The following IRF2BP2 variants were observed in gnomAD, a reference collection of about 807,000 sequenced individuals.
The protein encoded by IRF2BP2 is interferon regulatory factor 2-binding protein 2.
Under a neutral mutation model 32.7 loss-of-function variants are expected in IRF2BP2, and 13 were observed. That is an observed-to-expected ratio of 0.40 (90% confidence interval 0.26 to 0.63). The LOEUF is 0.63. Among genes scored for constraint, IRF2BP2 ranks in the 30% least tolerant of loss-of-function variants. The pLI, the probability that IRF2BP2 is intolerant of heterozygous loss-of-function variation, is 0.42. For missense variants in IRF2BP2, 980 were observed against 830.6 expected (o/e 1.18, Z -2.21); for synonymous variants, 555 against 384.6 (o/e 1.44, Z -5.18).
rs1672253184 is a variant in IRF2BP2 at position 234,608,839 on chromosome 1, G to T, written c.656C>A (p.Thr219Asn). ...CGCGGAGCCCAGGCTGGCGGCCGCG[G>T]TTCCGGACACCGCGGCTAAGGAGGC... The part of the protein sequence containing the change: ...AAASLAAVSG[T>N]AAASLGSAQP... The change falls in exon 1 of 2, where the codon ACC becomes AAC. Residue 219 changes from threonine to asparagine, a missense_variant. Coordinates refer to ENST00000366609, the MANE Select transcript of IRF2BP2 (RefSeq NM_182972.3). 1 of 1,342,124 alleles carries T rather than the reference G, an allele frequency of 7.5e-7. No individual in the cohort carries two copies. Among genetic ancestry groups the T allele is most frequent in the Non-Finnish European group, 9.5e-7 (1 of 1,056,772 alleles). The allele number at this position is 1,342,124 out of a possible 1,614,324, so 83.1% of individuals were successfully genotyped here.
At position 234,608,994 on chromosome 1, in the gene IRF2BP2, C is replaced by T; in HGVS notation, c.501G>A (p.Glu167=). 4 of 1,346,126 alleles carry T rather than the reference C, an allele frequency of 3.0e-6. No individual in the cohort carries two copies. Among genetic ancestry groups the T allele is most frequent in the South Asian group, 2.2e-5 (1 of 45,704 alleles). The allele number at this position is 1,346,126 out of a possible 1,614,324, so 83.4% of individuals were successfully genotyped here. The part of the protein sequence containing the change: ...LVPNGFSKLE[E]PPELNRQSPN... ...GGCTCTGGCGATTCAGCTCGGGCGG[C>T]TCCTCTAGCTTGGAGAAGCCGTTGG... is the stretch of plus-strand genomic sequence containing the variant. The change falls in exon 1 of 2, where the codon GAG becomes GAA. Residue 167 remains glutamate, a synonymous_variant. Transcript: ENST00000366609.
At position 234,610,139 on chromosome 1, in the gene IRF2BP2, G is replaced by A. The variant is rs1028641073; in HGVS notation, c.-645C>T. On this transcript the variant is annotated 5_prime_UTR_variant, in exon 1 of 2. It adds an upstream start codon to the 5' untranslated region. Transcript: ENST00000366609. ...CCGCCTCAGCTCCGCCGCCGCCACC[G>A]TCGCTGCTGCTGCTGCCGCCGCGAC... Among the ~76,000 whole-genome samples the A allele has an allele frequency of 6.7e-6, 1 of 148,412 alleles. No homozygotes were observed.
rs115965232 is a variant in IRF2BP2 at position 234,606,875 on chromosome 1, C to T, written c.*262G>A. The T allele has an allele frequency of 3.5e-3, 1,075 of 303,122 alleles. 13 individuals are homozygous for T. Among genetic ancestry groups the T allele is most frequent in the African/African-American group, 0.022 (1,017 of 46,456 alleles). 18.8% of individuals were successfully genotyped at this position (303,122 alleles called of 1,614,324 possible). On this transcript the variant is annotated 3_prime_UTR_variant, in exon 2 of 2. Transcript: ENST00000366609. ...AGCGCAAGTCACAGCCTACATAGAA[C>T]GGTAACTGTCACCAGGATAATAAAG...
Position 234,609,106 on chromosome 1 carries a change from C to A in IRF2BP2, c.389G>T (p.Gly130Val). The A allele has an allele frequency of 8.1e-7, 1 of 1,231,306 alleles. No individual in the cohort carries two copies. The highest frequency in any genetic ancestry group is 1.0e-6 in the Non-Finnish European group (1 of 988,760). 76.3% of individuals were successfully genotyped at this position (1,231,306 alleles called of 1,614,324 possible). Residue 130 changes from glycine (G) to valine (V), a missense_variant, in exon 1 of 2, where the codon GGC becomes GTC. Gly to Val is a moderately radical substitution (Grantham distance 109). Coordinates refer to ENST00000366609, the MANE Select transcript of IRF2BP2 (RefSeq NM_182972.3). ...CGGGCGGCTGCTGCCGAAGTCAGAGCCGAGGCGCGGGGGCCTCTCGGCCGC... is the reference window on the plus strand; with the variant it reads ...CGGGCGGCTGCTGCCGAAGTCAGAGACGAGGCGCGGGGGCCTCTCGGCCGC... ...AAAAERPPRL[G>V]SDFGSSRPAA... is the part of the protein sequence containing the mutation.
chr1:234,607,515 G>C lies in IRF2BP2; in HGVS notation c.1386C>G (p.Ser462=). Residue 462 remains serine (S), a synonymous_variant, in exon 2 of 2, where the codon TCC becomes TCG. Transcript: ENST00000366609. The part of the protein sequence containing the change: ...RRNSNSPPSP[S]SMNQRRLGPR... ...GGCCCAGCCTTCTTTGGTTCATAGAGGACGGAGAGGGCGGACTGTTGCTAT... is the reference window on the plus strand; with the variant it reads ...GGCCCAGCCTTCTTTGGTTCATAGACGACGGAGAGGGCGGACTGTTGCTAT... 2 of 1,614,148 alleles carry C rather than the reference G, an allele frequency of 1.2e-6. No individual in the cohort carries two copies. The highest frequency in any genetic ancestry group is 8.5e-7 in the Non-Finnish European group (1 of 1,179,948).
In IRF2BP2 at chr1:234,606,968, CAAAAA is replaced by C. The variant is rs140530183; in HGVS notation, c.*164_*168del. On this transcript the variant is annotated 3_prime_UTR_variant, in exon 2 of 2. Transcript: ENST00000366609. ...TTTATAAGTACATACCTTTTGTCGT[CAAAAA>C]AAATATAGAAACACAATGTATTCAA... The C allele has an allele frequency of 1.8e-6, 1 of 563,096 alleles. No homozygotes were observed. The highest frequency in any genetic ancestry group is 3.1e-6 in the Non-Finnish European group (1 of 324,896). 34.9% of individuals were successfully genotyped at this position (563,096 alleles called of 1,614,324 possible). A position where few individuals can be genotyped will look rare whatever the true frequency, so the allele number is the denominator to read the frequency against.
In IRF2BP2 at chr1:234,608,842, C is replaced by G. The variant is rs2102769670; in HGVS notation, c.653G>C (p.Gly218Ala). Residue 218 changes from glycine to alanine, a missense_variant, in exon 1 of 2, where the codon GGA becomes GCA. Gly to Ala is a moderately conservative substitution (Grantham distance 60, BLOSUM62 0). Transcript: ENST00000366609. ...RAAASLAAVS[G>A]TAAASLGSAQ... ...GGAGCCCAGGCTGGCGGCCGCGGTT[C>G]CGGACACCGCGGCTAAGGAGGCGGC... 5 of 1,338,926 alleles carry G rather than the reference C, an allele frequency of 3.7e-6. No individual in the cohort carries two copies. The South Asian group carries it at 8.1e-5, about 22-fold the overall frequency. The allele number at this position is 1,338,926 out of a possible 1,614,324, so 82.9% of individuals were successfully genotyped here. A position where few individuals can be genotyped will look rare whatever the true frequency, so the allele number is the denominator to read the frequency against.
chr1:234,605,211 G>A lies in IRF2BP2; in HGVS notation c.*1926C>T, dbSNP rs1170308555. ...CACATTTATACAACAGACCATAAGA[G>A]CTGAATTCTTTACAAATGTCTTTAT... On this transcript the variant is annotated 3_prime_UTR_variant, in exon 2 of 2. Coordinates refer to ENST00000366609, the MANE Select transcript of IRF2BP2 (RefSeq NM_182972.3). 1 of 152,202 alleles carries A rather than the reference G, an allele frequency of 6.6e-6. No homozygotes were observed. Among genetic ancestry groups the A allele is most frequent in the African/African-American group, 2.4e-5 (1 of 41,444 alleles). 9.4% of individuals were successfully genotyped at this position (152,202 alleles called of 1,614,324 possible).
intron 1 of IRF2BP2, 120 bp downstream of exon 1, chr1:234,608,326 AG>A (rs750885579): frequency 1.2e-6 from 1 of 816,916 alleles, no homozygotes; most frequent in Non-Finnish European, 1.9e-6. Context: ...CAGGCAGATC[AG>A]GAAGTGGGGT....
chr1:234,608,203 G>C lies in IRF2BP2; in HGVS notation c.1048+244C>G, dbSNP rs992343279. On this transcript the variant is annotated intron_variant, in intron 1 of 1. Coordinates refer to ENST00000366609, the MANE Select transcript of IRF2BP2 (RefSeq NM_182972.3). ...CTGGTGCCCTCATGCTCCCATCCAA[G>C]AATGTGCTGGGAAAGGAAAACCCCG... 9.6e-6 allele frequency: 5 copies of C among 522,818 alleles called. No homozygotes were observed. In the East Asian group the frequency reaches 1.2e-4, roughly 13 times the overall value. The allele number at this position is 522,818 out of a possible 1,614,324, so 32.4% of individuals were successfully genotyped here. A position where few individuals can be genotyped will look rare whatever the true frequency, so the allele number is the denominator to read the frequency against.
chr1:234,606,506 T>C lies in IRF2BP2; in HGVS notation c.*631A>G, dbSNP rs1327058060. The C allele has an allele frequency of 6.6e-6, 1 of 151,032 alleles. No individual in the cohort carries two copies. Among genetic ancestry groups the C allele is most frequent in the Non-Finnish European group, 1.5e-5 (1 of 67,880 alleles). The allele number at this position is 151,032 out of a possible 1,614,324, so 9.4% of individuals were successfully genotyped here. Reference sequence around the variant, plus strand: ...CCAAAAGACCACACAATCCTGAAAATTTCCCAGCAGCACTCTCAGTCATCA... The same window carrying C: ...CCAAAAGACCACACAATCCTGAAAACTTCCCAGCAGCACTCTCAGTCATCA... On this transcript the variant is annotated 3_prime_UTR_variant, in exon 2 of 2. Transcript: ENST00000366609.
chr1:234,606,948 A>C lies in IRF2BP2; in HGVS notation c.*189T>G. The C allele has an allele frequency of 4.0e-6, 2 of 505,856 alleles. No homozygotes were observed. The highest frequency in any genetic ancestry group is 6.3e-5 in the South Asian group (2 of 31,740). The allele number at this position is 505,856 out of a possible 1,614,324, so 31.3% of individuals were successfully genotyped here. On this transcript the variant is annotated 3_prime_UTR_variant, in exon 2 of 2. Coordinates refer to ENST00000366609, the MANE Select transcript of IRF2BP2 (RefSeq NM_182972.3). The stretch of plus-strand genomic sequence containing the variant: ...TAACAAAAGAAAAAAATGTCTTTAT[A>C]AGTACATACCTTTTGTCGTCAAAAA...
At position 234,609,460 on chromosome 1, in the gene IRF2BP2, C is replaced by G; in HGVS notation, c.35G>C (p.Arg12Pro). The G allele has an allele frequency of 6.6e-7, 1 of 1,521,278 alleles. No individual in the cohort carries two copies. The highest frequency in any genetic ancestry group is 1.2e-5 in the South Asian group (1 of 81,922). 94.2% of individuals were successfully genotyped at this position (1,521,278 alleles called of 1,614,324 possible). A position where few individuals can be genotyped will look rare whatever the true frequency, so the allele number is the denominator to read the frequency against. The change falls in exon 1 of 2, where the codon CGG (arginine) becomes CCG (proline). Residue 12 changes from arginine to proline, a missense_variant. Transcript: ENST00000366609. ...GTCACACAGGTAGCACGACTGCCGCCGGGACGCGGCCGCCACCGCCACCGC... is the reference window on the plus strand; with the variant it reads ...GTCACACAGGTAGCACGACTGCCGCGGGGACGCGGCCGCCACCGCCACCGC... ...AAAVAVAAAS[R>P]RQSCYLCDLP... is the part of the protein sequence containing the mutation.
chr1:234,605,608 C>A lies in IRF2BP2; in HGVS notation c.*1529G>T. On this transcript the variant is annotated 3_prime_UTR_variant, in exon 2 of 2. Transcript: ENST00000366609. ...ATGTAAATAGAAGCTAGGCTGTGAA[C>A]CATACACATAAATTGTAGACCTTGA... 6.6e-6 allele frequency: 1 copy of A among 152,180 alleles called. No individual in the cohort carries two copies. The allele number at this position is 152,180 out of a possible 1,614,324, so 9.4% of individuals were successfully genotyped here. A position where few individuals can be genotyped will look rare whatever the true frequency, so the allele number is the denominator to read the frequency against.
Position 234,609,611 on chromosome 1 carries a change from CCAGCGG to C in IRF2BP2, c.-123_-118del, listed in dbSNP as rs1173908261. The C allele has an allele frequency of 2.1e-6, 1 of 470,126 alleles. No homozygotes were observed. The highest frequency in any genetic ancestry group is 4.9e-5 in the Admixed American group (1 of 20,496). 29.1% of individuals were successfully genotyped at this position (470,126 alleles called of 1,614,324 possible). A position where few individuals can be genotyped will look rare whatever the true frequency, so the allele number is the denominator to read the frequency against. ...CCCCCCCAACCCCGCGTCTCCCCCA[CCAGCGG>C]CGGCGGCGGCCGCAAAGGCGGCGGC... is the stretch of plus-strand genomic sequence containing the variant. On this transcript the variant is annotated 5_prime_UTR_variant, in exon 1 of 2. Transcript: ENST00000366609.
intron 1 of IRF2BP2, 53 bp from the exon 2 acceptor site, chr1:234,607,905 G>T: frequency 1.5e-6 from 2 of 1,355,204 alleles, no homozygotes; most frequent in African/African-American, 1.5e-5. Flanking sequence ...GCGGTGCACT[G>T]AAAGAGATCA....
rs1672247971 is a variant in IRF2BP2, at chr1:234,608,740, C to T, written c.755G>A (p.Arg252His). Reference sequence around the variant, plus strand: ...TTGTTTCTCCTTGGCTGCCGCCTCACGCTGCTCGTGCTCCACGGCAGCGCT... The same window carrying T: ...TTGTTTCTCCTTGGCTGCCGCCTCATGCTGCTCGTGCTCCACGGCAGCGCT... ...SSSAAVEHEQ[R>H]EAAAKEKQPP... Residue 252 changes from arginine (R) to histidine (H), a missense_variant, in exon 1 of 2, where the codon CGT (arginine) becomes CAT (histidine). Arg to His is a conservative substitution (Grantham distance 29, BLOSUM62 0). Coordinates refer to ENST00000366609, the MANE Select transcript of IRF2BP2 (RefSeq NM_182972.3). The T allele has an allele frequency of 1.3e-6, 2 of 1,498,704 alleles. No individual in the cohort carries two copies. The highest frequency in any genetic ancestry group is 1.8e-6 in the Non-Finnish European group (2 of 1,134,262). The allele number at this position is 1,498,704 out of a possible 1,614,324, so 92.8% of individuals were successfully genotyped here.
Position 234,608,986 on chromosome 1 carries a change from T to A in IRF2BP2, c.509A>T (p.Glu170Val). 1 of 1,352,838 alleles carries A rather than the reference T, an allele frequency of 7.4e-7. No homozygotes were observed. The highest frequency in any genetic ancestry group is 9.5e-7 in the Non-Finnish European group (1 of 1,057,502). The allele number at this position is 1,352,838 out of a possible 1,614,324, so 83.8% of individuals were successfully genotyped here. ...NGFSKLEEPP[E>V]LNRQSPNPRR... Reference sequence around the variant, plus strand: ...CGGGTTCGGGCTCTGGCGATTCAGCTCGGGCGGCTCCTCTAGCTTGGAGAA... The same window carrying A: ...CGGGTTCGGGCTCTGGCGATTCAGCACGGGCGGCTCCTCTAGCTTGGAGAA... The change falls in exon 1 of 2, where the codon GAG becomes GTG. Residue 170 changes from glutamate (E) to valine (V), a missense_variant. Glu to Val is a moderately radical substitution (Grantham distance 121, BLOSUM62 -2). Transcript: ENST00000366609.
intron 1 of IRF2BP2, chr1:234,608,192 C>A: frequency 1.9e-6 from 1 of 526,344 alleles, no homozygotes; most frequent in Non-Finnish European, 3.3e-6. Context: ...TGCCCTCATG[C>A]TCCCATCCAA....
Sources: allele counts gnomAD v4.1 joint callset (sites outside exome capture counted in the v4.1 genomes callset), GRCh38; gene constraint gnomAD v4.1.1; transcripts MANE v1.5; gene names NCBI Gene and HGNC (gene_info 2026-07-23, HGNC 2026-07-21).